SORD: variants seen among roughly 807,000 people sequenced by gnomAD.
The protein encoded by SORD is sorbitol dehydrogenase.
In SORD, 18 loss-of-function variants were observed where a neutral mutation model predicts 35.6. The ratio of observed to expected loss-of-function variants is 0.51; its 90% CI spans 0.35 to 0.75. The LOEUF (loss-of-function observed/expected upper bound fraction) is 0.75. SORD is among the 30% of genes least tolerant of loss of function. SORD has a pLI of 0.01. For synonymous variants in SORD, 106 were observed against 152.9 expected, an observed-to-expected ratio of 0.69 and a Z score of 2.26; for missense variants, 250 against 390.2, an observed-to-expected ratio of 0.64 and a Z score of 3.03.
At chr15:45,059,050 C>T (rs574185581) in intron 3 of SORD, among the ~76,000 whole-genome samples, 2 of 152,272 alleles carry the variant, frequency 1.3e-5, no homozygotes, top group African/African-American at 4.8e-5. Context: ...AGAACCAAGG[C>T]ATTTCTATGT....
intron 4 of SORD, among the ~76,000 whole-genome samples, chr15:45,064,119 C>T (rs1234185411): frequency 6.7e-6 from 1 of 149,310 alleles, no homozygotes; most frequent in Non-Finnish European, 1.5e-5. Context: ...GAGGGTTTTC[C>T]TGTTCCTGTG....
chr15:45,065,122 T>C, intron 4 of SORD, 149 bp from the exon 5 acceptor site: 1 of 638,630 alleles, frequency 1.6e-6, no homozygotes, highest in East Asian at 2.8e-5. Context: ...TTAATGTATA[T>C]AAATTGCTTA....
chr15:45,052,361 C>G (rs1284847239), intron 3 of SORD, among the ~76,000 whole-genome samples: 1 of 152,136 alleles, frequency 6.6e-6, no homozygotes, highest in Non-Finnish European at 1.5e-5. Flanking sequence ...GGGTGGCTTC[C>G]TCTTGACTAT....
chr15:45,027,329 C>G (rs1242549013), intron 1 of SORD, among the ~76,000 whole-genome samples: 2 of 152,248 alleles, frequency 1.3e-5, no homozygotes, highest in African/African-American at 4.8e-5. Flanking sequence ...GGTTTAGTCC[C>G]CCTTCTACTG....
chr15:45,055,876 C>G (rs1893206729), intron 3 of SORD, among the ~76,000 whole-genome samples: 1 of 151,908 alleles, frequency 6.6e-6, no homozygotes, highest in African/African-American at 2.4e-5. Flanking sequence ...TAAACAGAAC[C>G]AAAGACAAAA....
intron 3 of SORD, among the ~76,000 whole-genome samples, chr15:45,043,905 G>A (rs1186400207): frequency 6.6e-6 from 1 of 152,192 alleles, no homozygotes; most frequent in Admixed American, 6.5e-5. Flanking sequence ...GCTGTGGCAG[G>A]CTGTGTTGTT....
At chr15:45,028,123 T>C (rs1595493332) in intron 1 of SORD, among the ~76,000 whole-genome samples, 1 of 152,220 alleles carries the variant, frequency 6.6e-6, no homozygotes, top group East Asian at 1.9e-4. Context: ...GCCAGGAGTT[T>C]GAGACCAGCC....
intron 8 of SORD, among the ~76,000 whole-genome samples, chr15:45,072,674 G>C (rs8026736): frequency 0.16 from 23,629 of 144,110 alleles, 3,934 homozygotes; most frequent in African/African-American, 0.33. Context: ...TTGAAGCATA[G>C]TCTTACTGAG....
At chr15:45,038,305 A>G (rs1389006051) in intron 1 of SORD, among the ~76,000 whole-genome samples, 1 of 152,114 alleles carries the variant, frequency 6.6e-6, no homozygotes, top group Non-Finnish European at 1.5e-5. Context: ...TAGTGTTACC[A>G]TGGGTGGGTT....
At chr15:45,027,311 C>G (rs1021303896) in intron 1 of SORD, among the ~76,000 whole-genome samples, 1 of 152,272 alleles carries the variant, frequency 6.6e-6, no homozygotes, top group Non-Finnish European at 1.5e-5. Flanking sequence ...GCTGGGGAGC[C>G]AGAGTGGGGT....
chr15:45,024,972 T>G (rs767008624), intron 1 of SORD, among the ~76,000 whole-genome samples: 2 of 152,274 alleles, frequency 1.3e-5, no homozygotes, highest in Non-Finnish European at 2.9e-5. Context: ...AGTTAAGTTC[T>G]CCTTCATCTT....
intron 1 of SORD, among the ~76,000 whole-genome samples, chr15:45,037,689 A>T (rs1892891705): frequency 1.3e-5 from 2 of 152,136 alleles, no homozygotes; most frequent in Non-Finnish European, 2.9e-5. Context: ...TTCTCAGCAA[A>T]CTAACACAGG....
chr15:45,068,446 A>AGT (rs1470548000), intron 6 of SORD, among the ~76,000 whole-genome samples, 200 bp downstream of exon 6: 100 of 120,528 alleles, frequency 8.3e-4, no homozygotes, highest in South Asian at 1.9e-3. Flanking sequence ...TTTGTGTGAG[A>AGT]GAGTGTGTGT....
chr15:45,046,706 G>A, intron 3 of SORD, among the ~76,000 whole-genome samples: 1 of 152,134 alleles, frequency 6.6e-6, no homozygotes, highest in East Asian at 1.9e-4. Context: ...ATTTCCTAAT[G>A]CGCATTTACA....
Position 45,025,205 on chromosome 15 carries a change from G to C in SORD, c.66+1856G>C, listed in dbSNP as rs75064051. ...GAATTTCACCTTTGGTTGTGTGCTGGAACACTAGCTGGGTAAAAGAGTTCA... is the reference window on the plus strand; with the variant it reads ...GAATTTCACCTTTGGTTGTGTGCTGCAACACTAGCTGGGTAAAAGAGTTCA... On this transcript the variant is annotated intron_variant, in intron 1 of 8. Transcript: ENST00000267814. 7.3e-4 allele frequency among the ~76,000 whole-genome samples: 111 copies of C among 152,302 alleles called. 1 individual carries two copies. In the East Asian group the frequency reaches 0.02, roughly 27 times the overall value.
At chr15:45,056,860 C>A (rs966781748) in intron 3 of SORD, among the ~76,000 whole-genome samples, 13 of 152,164 alleles carry the variant, frequency 8.5e-5, no homozygotes, top group Admixed American at 8.5e-4. Context: ...TCATTGGTTC[C>A]AGTCACAGGT....
intron 4 of SORD, among the ~76,000 whole-genome samples, chr15:45,063,278 C>T (rs1893351781): frequency 6.6e-6 from 1 of 152,090 alleles, no homozygotes; most frequent in Non-Finnish European, 1.5e-5. Flanking sequence ...TATTTTCCTG[C>T]TTCTCCTTGG....
intron 3 of SORD, among the ~76,000 whole-genome samples, chr15:45,046,739 C>T (rs188311964): frequency 3.9e-5 from 6 of 152,220 alleles, no homozygotes; most frequent in East Asian, 3.9e-4. Context: ...ATAAGTCAGC[C>T]GGGCATAATA....
intron 1 of SORD, among the ~76,000 whole-genome samples, chr15:45,035,829 ACACT>A (rs561005695): frequency 9.9e-5 from 15 of 152,136 alleles, no homozygotes; most frequent in Admixed American, 2.6e-4. Context: ...AAGAGCTGTA[ACACT>A]CACCGCGAAG....
Sources: allele counts gnomAD v4.1 joint callset (sites outside exome capture counted in the v4.1 genomes callset), GRCh38; gene constraint gnomAD v4.1.1; transcripts MANE v1.5; gene names NCBI Gene and HGNC (gene_info 2026-07-23, HGNC 2026-07-21).